The following CACNA1C variants were observed in gnomAD, a reference collection of about 807,000 sequenced individuals.
The protein encoded by CACNA1C is voltage-dependent L-type calcium channel subunit alpha-1C.
A neutral mutation model predicts 229.0 loss-of-function variants in CACNA1C; 30 were observed. The observed-to-expected ratio is 0.13, with a 90% CI of 0.10 to 0.18. The LOEUF (loss-of-function observed/expected upper bound fraction) is 0.18, where lower values mean the gene tolerates loss of function less well. Ranked by LOEUF, CACNA1C falls within the 10% of genes least tolerant of loss-of-function variation. The pLI is 1.00. For synonymous variants in CACNA1C, 1,114 were observed against 1,132.5 expected, an observed-to-expected ratio of 0.98 and a Z score of 0.33; for missense variants, 1,658 against 2,845.0, an observed-to-expected ratio of 0.58 and a Z score of 9.49.
At chr12:2,522,456 T>C (rs1429456318) in intron 9 of CACNA1C, among the ~76,000 whole-genome samples, 1 of 152,222 alleles carries the variant, frequency 6.6e-6, no homozygotes, top group Non-Finnish European at 1.5e-5. Flanking sequence ...GCCATGCTCA[T>C]GGTAGCCCCC....
At chr12:2,183,587 G>C (rs986543557) in intron 3 of CACNA1C, among the ~76,000 whole-genome samples, 2 of 149,444 alleles carry the variant, frequency 1.3e-5, no homozygotes, top group African/African-American at 5.1e-5. Context: ...CCCCCCCCCG[G>C]CTTTCATCAG....
At chr12:2,179,541 C>T (rs1196898082) in intron 3 of CACNA1C, among the ~76,000 whole-genome samples, 1 of 152,180 alleles carries the variant, frequency 6.6e-6, no homozygotes, top group African/African-American at 2.4e-5. Flanking sequence ...GCTCTGAATA[C>T]TGAACATTGA....
chr12:2,362,938 G>A (rs987769773), intron 3 of CACNA1C, among the ~76,000 whole-genome samples: 18 of 152,156 alleles, frequency 1.2e-4, no homozygotes, highest in Non-Finnish European at 2.6e-4. Flanking sequence ...TCACCCTAAG[G>A]AAATCTCTAC....
In CACNA1C at chr12:2,585,154, G is replaced by T. The variant is rs989615080; in HGVS notation, c.2340-222G>T. ...TGGCGACCCAGGCATCTCTGGAGCT[G>T]CAAGAGGCCAATTGCGTGTCAGGCA... On this transcript the variant is annotated intron_variant, in intron 16 of 46. Coordinates refer to ENST00000399655, the MANE Select transcript of CACNA1C (RefSeq NM_000719.7). This position sits in a 1 kb window ranked among gnomAD's most constrained non-coding sequence, Gnocchi z 4.1. Among the ~76,000 whole-genome samples, 1 of 152,184 alleles carries T rather than the reference G, an allele frequency of 6.6e-6. No individual in the cohort carries two copies.
intron 2 of CACNA1C, among the ~76,000 whole-genome samples, chr12:2,119,127 A>G (rs907833891): frequency 6.6e-6 from 1 of 152,136 alleles, no homozygotes; most frequent in Non-Finnish European, 1.5e-5. Context: ...CTGGTCATTA[A>G]CTTGCTGTGG....
intron 1 of CACNA1C, chr12:2,004,063 T>TA: frequency 1.6e-6 from 1 of 642,326 alleles, no homozygotes; most frequent in Non-Finnish European, 2.7e-6. Context: ...GTTAGAGATT[T>TA]AAGTCTTTTC....
intron 13 of CACNA1C, among the ~76,000 whole-genome samples, chr12:2,569,470 C>T (rs368609705): frequency 6.6e-6 from 1 of 152,142 alleles, no homozygotes; most frequent in Non-Finnish European, 1.5e-5. Context: ...CCCCATCTTC[C>T]CTCCCAGCAA....
chr12:2,106,671 GGGC>G, intron 1 of CACNA1C, among the ~76,000 whole-genome samples: 1 of 19,094 alleles, frequency 5.2e-5, no homozygotes, highest in Non-Finnish European at 1.5e-4. Flanking sequence ...ACCTCAGCTG[GGGC>G]GTCCTGAAGC....
In CACNA1C at chr12:2,174,869, A is replaced by T. The variant is rs192101888; in HGVS notation, c.477+54439A>T. Among the ~76,000 whole-genome samples the T allele has an allele frequency of 2.4e-4, 36 of 152,348 alleles. 1 individual carries two copies. In the East Asian group the frequency reaches 3.7e-3, roughly 15 times the overall value. ...AAGAAAATCCTAAGGAAGGTAAAAT[A>T]TATTTACTATTCATTAAGTGGAAGT... is the stretch of plus-strand genomic sequence containing the variant. On this transcript the variant is annotated intron_variant, in intron 3 of 46. Coordinates refer to ENST00000399655, the MANE Select transcript of CACNA1C (RefSeq NM_000719.7).
chr12:2,257,811 A>G (rs2078562293), intron 3 of CACNA1C, among the ~76,000 whole-genome samples: 1 of 152,252 alleles, frequency 6.6e-6, no homozygotes, highest in Non-Finnish European at 1.5e-5. Flanking sequence ...TAGAACTGCA[A>G]AGACAGCCTT....
intron 3 of CACNA1C, among the ~76,000 whole-genome samples, chr12:2,421,304 G>A (rs2098976686): frequency 2.0e-5 from 3 of 152,132 alleles, no homozygotes; most frequent in African/African-American, 4.8e-5. Flanking sequence ...GAACACGTAA[G>A]GGCAAAGGAA....
chr12:2,152,028 A>G lies in CACNA1C; in HGVS notation c.477+31598A>G, dbSNP rs2095304298. Among the ~76,000 whole-genome samples, 1 of 152,142 alleles carries G rather than the reference A, an allele frequency of 6.6e-6. No homozygotes were observed. The highest frequency in any genetic ancestry group is 1.5e-5 in the Non-Finnish European group (1 of 68,030). On this transcript the variant is annotated intron_variant, in intron 3 of 46. Transcript: ENST00000399655. The surrounding 1 kb of genome is among the most constrained non-coding windows in gnomAD (Gnocchi z 4.2). ...AAACCCTGGCGTTTTTAGTGCCTTG[A>G]CTAGTGTGAGAAACTTGAAACTCAG...
At chr12:2,139,842 G>A (rs966833643) in intron 3 of CACNA1C, among the ~76,000 whole-genome samples, 1 of 151,238 alleles carries the variant, frequency 6.6e-6, no homozygotes, top group Non-Finnish European at 1.5e-5. Context: ...GGGTGAGGCC[G>A]CTCCCAGGAC....
intron 3 of CACNA1C, among the ~76,000 whole-genome samples, chr12:2,126,753 G>A (rs1426141440): frequency 6.6e-6 from 1 of 152,184 alleles, no homozygotes; most frequent in Admixed American, 6.5e-5. Context: ...GTAAAATTGG[G>A]GCAACCAGAG....
At chr12:2,482,525 G>A (rs942934571) in intron 5 of CACNA1C, among the ~76,000 whole-genome samples, 2 of 152,204 alleles carry the variant, frequency 1.3e-5, no homozygotes, top group African/African-American at 2.4e-5. Context: ...GGTTGTTGCC[G>A]GGAGGAGATG....
chr12:2,010,624 A>G (rs961667096), intron 1 of CACNA1C, among the ~76,000 whole-genome samples: 14 of 152,180 alleles, frequency 9.2e-5, no homozygotes, highest in Non-Finnish European at 1.6e-4. Flanking sequence ...TGTCACTGTC[A>G]GGAGTCAGGT....
chr12:2,082,081 C>T (rs2065872700), intron 1 of CACNA1C, among the ~76,000 whole-genome samples: 1 of 152,134 alleles, frequency 6.6e-6, no homozygotes, highest in African/African-American at 2.4e-5. Flanking sequence ...CTGAGGGTAA[C>T]ACACAGCAAT....
intron 3 of CACNA1C, among the ~76,000 whole-genome samples, chr12:2,429,152 TTG>T (rs1163320293): frequency 1.3e-5 from 2 of 151,834 alleles, no homozygotes; most frequent in Admixed American, 6.6e-5. Flanking sequence ...GCTTCCCTCT[TTG>T]TGTGTGTCTG....
chr12:2,583,272 C>T (rs1225972663), intron 15 of CACNA1C, among the ~76,000 whole-genome samples: 2 of 152,246 alleles, frequency 1.3e-5, no homozygotes, highest in Admixed American at 1.3e-4. Flanking sequence ...GGGCCGGCTG[C>T]CCTGGGGCCG....
Sources: gnomAD v4.1 joint callset for allele counts (sites outside exome capture counted in the v4.1 genomes callset) on GRCh38, gnomAD v4.1.1 for gene constraint, Gnocchi (gnomAD v3.1) non-coding constraint, MANE v1.5 for transcripts, NCBI Gene and HGNC (gene_info 2026-07-23, HGNC 2026-07-21) for gene names.